The following CALN1 variants were observed in gnomAD, a reference collection of about 807,000 sequenced individuals.
CALN1 encodes calcium-binding protein 8.
CALN1 carries 17 observed loss-of-function variants against 30.6 expected under a neutral mutation model. The observed-to-expected ratio is 0.56, with a 90% CI of 0.38 to 0.83. The LOEUF is 0.83. Ranked by LOEUF, CALN1 falls within the 40% of genes least tolerant of loss-of-function variation. The probability of loss-of-function intolerance (pLI) is 0.00; values close to 1 mark genes in which losing one functional copy is unlikely to be tolerated. For missense variants in CALN1, 291 were observed against 354.9 expected (o/e 0.82, Z 1.45); for synonymous variants, 156 against 131.4 (o/e 1.19, Z -1.28).
chr7:71,790,289 G>T (rs919792728), intron 6 of CALN1, among the ~76,000 whole-genome samples: 9 of 147,022 alleles, frequency 6.1e-5, no homozygotes, highest in Non-Finnish European at 9.0e-5. Flanking sequence ...AGAAAGAAAC[G>T]AAGGAAGGAA....
intron 2 of CALN1, among the ~76,000 whole-genome samples, chr7:72,343,194 G>C (rs1008876949): frequency 2.6e-4 from 39 of 152,220 alleles, no homozygotes; most frequent in Non-Finnish European, 5.0e-4. Context: ...GGCACAGGAA[G>C]GGCTTATTGG....
chr7:71,876,946 A>G (rs185503056), intron 5 of CALN1, among the ~76,000 whole-genome samples: 13 of 152,338 alleles, frequency 8.5e-5, no homozygotes, highest in African/African-American at 2.9e-4. Context: ...TTTGTGTTTT[A>G]GCTTATCAGA....
At chr7:72,409,311 G>A (rs1178881146) in intron 1 of CALN1, among the ~76,000 whole-genome samples, 1 of 151,798 alleles carries the variant, frequency 6.6e-6, no homozygotes, top group African/African-American at 2.4e-5. Context: ...CTCTTAAATG[G>A]ACCTCTGTGC....
intron 5 of CALN1, among the ~76,000 whole-genome samples, chr7:71,858,819 C>T (rs947783187): frequency 6.6e-6 from 1 of 152,086 alleles, no homozygotes; most frequent in Non-Finnish European, 1.5e-5. Flanking sequence ...ATTGATGTCT[C>T]GTGTCTCCCT....
Position 72,247,872 on chromosome 7 carries a change from C to T in CALN1, c.244+30814G>A, listed in dbSNP as rs1302868358. ...AGCCAGGCATGGTAGGTAATGCATG[C>T]CTGTAGTCCCAGCTACTTGGAAGGC... On this transcript the variant is annotated intron_variant, in intron 3 of 6. Coordinates refer to ENST00000395275, the MANE Select transcript of CALN1 (RefSeq NM_031468.4). 2.6e-5 allele frequency among the ~76,000 whole-genome samples: 4 copies of T among 152,144 alleles called. No individual in the cohort carries two copies. The East Asian group carries it at 7.8e-4, about 29-fold the overall frequency.
At chr7:72,190,711 T>C (rs1294680029) in intron 3 of CALN1, among the ~76,000 whole-genome samples, 1 of 152,264 alleles carries the variant, frequency 6.6e-6, no homozygotes, top group African/African-American at 2.4e-5. Context: ...CCTTGAATAT[T>C]TGAAAGACTT....
chr7:71,944,514 A>G (rs1796302120), intron 5 of CALN1, among the ~76,000 whole-genome samples: 1 of 144,380 alleles, frequency 6.9e-6, no homozygotes, highest in Non-Finnish European at 1.5e-5. Context: ...GAATCGCTTG[A>G]ACCTGGGAGG....
At chr7:72,500,832 T>C in the CALN1 span, among the ~76,000 whole-genome samples, 2 of 152,268 alleles carry the variant, frequency 1.3e-5, no homozygotes, top group South Asian at 2.1e-4. Context: ...CCAGATTCAC[T>C]GTGTATTAAT....
At chr7:72,301,071 C>A (rs186950508) in intron 2 of CALN1, among the ~76,000 whole-genome samples, 29 of 152,102 alleles carry the variant, frequency 1.9e-4, no homozygotes, top group Non-Finnish European at 3.2e-4. Flanking sequence ...TTGGCAGATC[C>A]CTGGAGGGCA....
intron 3 of CALN1, among the ~76,000 whole-genome samples, chr7:72,225,036 A>T (rs1236240376): frequency 3.3e-5 from 5 of 151,690 alleles, no homozygotes; most frequent in Non-Finnish European, 5.9e-5. Flanking sequence ...CAGGAGGTGG[A>T]GCTTGCAGTG....
rs372415457 is a variant in CALN1 at position 72,128,807 on chromosome 7, G to T, written c.245-22513C>A. On this transcript the variant is annotated intron_variant, in intron 3 of 6. Transcript: ENST00000395275. ...GAATCACTTGAACCCAGGAGGCAGA[G>T]GTTTCAGTGAGCTGAGATCGGGCCG... is the stretch of plus-strand genomic sequence containing the variant. 3.2e-4 allele frequency among the ~76,000 whole-genome samples: 49 copies of T among 152,352 alleles called. 1 individual carries two copies. In the East Asian group the frequency reaches 5.6e-3, roughly 17 times the overall value.
chr7:71,798,509 C>T (rs983219298), intron 6 of CALN1, among the ~76,000 whole-genome samples: 7 of 151,956 alleles, frequency 4.6e-5, no homozygotes, highest in African/African-American at 1.5e-4. Flanking sequence ...TCTCACTATG[C>T]TGCCCAGGCT....
intron 3 of CALN1, among the ~76,000 whole-genome samples, chr7:72,180,570 A>T (rs2129546061): frequency 9.3e-6 from 1 of 107,448 alleles, no homozygotes; most frequent in Non-Finnish European, 2.0e-5. Context: ...GGTTACTGTT[A>T]CTTGGGCTAT....
intron 5 of CALN1, among the ~76,000 whole-genome samples, chr7:72,022,847 C>A (rs1465105399): frequency 1.3e-5 from 2 of 149,478 alleles, no homozygotes; most frequent in Non-Finnish European, 3.0e-5. Context: ...AAAGACACAC[C>A]AACTGCAACC....
chr7:72,018,335 C>G (rs748407412), intron 5 of CALN1, among the ~76,000 whole-genome samples: 68 of 152,138 alleles, frequency 4.5e-4, no homozygotes, highest in Non-Finnish European at 9.6e-4. Flanking sequence ...CCCCCCAGTC[C>G]TGAGTCTCAG....
At chr7:72,475,941 C>CTCTTTTTTTT in the CALN1 span, among the ~76,000 whole-genome samples, 1 of 75,850 alleles carries the variant, frequency 1.3e-5, no homozygotes, top group Non-Finnish European at 2.3e-5. Context: ...CTCTCTCTCT[C>CTCTTTTTTTT]TTTTTTTTTT....
At chr7:72,318,341 A>G (rs1201277546) in intron 2 of CALN1, among the ~76,000 whole-genome samples, 1 of 152,162 alleles carries the variant, frequency 6.6e-6, no homozygotes, top group Non-Finnish European at 1.5e-5. Flanking sequence ...AACCTCTCCA[A>G]TAGTGTCTCA....
intron 5 of CALN1, among the ~76,000 whole-genome samples, chr7:71,863,048 C>G (rs35991621): frequency 6.6e-6 from 1 of 151,824 alleles, no homozygotes; most frequent in Non-Finnish European, 1.5e-5. Context: ...CTACTTGAGG[C>G]TAGGAGTTTG....
At chr7:72,143,388 A>C (rs2129543617) in intron 3 of CALN1, among the ~76,000 whole-genome samples, 1 of 152,348 alleles carries the variant, frequency 6.6e-6, no homozygotes, top group South Asian at 2.1e-4. Context: ...AAGGAAGATC[A>C]AATGAATGAA....
Sources: allele counts gnomAD v4.1 joint callset (sites outside exome capture counted in the v4.1 genomes callset), GRCh38; gene constraint gnomAD v4.1.1; transcripts MANE v1.5; gene names NCBI Gene and HGNC (gene_info 2026-07-23, HGNC 2026-07-21).